Variants in ERP27 observed in about 807,000 individuals in gnomAD.
ERP27 encodes the protein endoplasmic reticulum resident protein 27.
In ERP27, 23 loss-of-function variants were observed where a neutral mutation model predicts 27.7. The ratio of observed to expected loss-of-function variants is 0.83; its 90% CI spans 0.60 to 1.18. The LOEUF (loss-of-function observed/expected upper bound fraction) is 1.18, where lower values mean the gene tolerates loss of function less well. ERP27 is among the 50% of genes most tolerant of loss of function. The pLI is 0.00. For synonymous variants in ERP27, 159 were observed against 118.3 expected, an observed-to-expected ratio of 1.34 and a Z score of -2.23; for missense variants, 363 against 327.9, an observed-to-expected ratio of 1.11 and a Z score of -0.83.
At position 14,914,301 on chromosome 12, in the gene ERP27, GGA is replaced by G. The variant is rs1478096686; in HGVS notation, c.*432_*433del. On this transcript the variant is annotated 3_prime_UTR_variant, in exon 7 of 7. Coordinates refer to ENST00000266397, the MANE Select transcript of ERP27 (RefSeq NM_152321.4). ...ACCCTTAGGTAACCTTAAAAGAGCA[GGA>G]ACTATGTTGTGTGTAAGTCATGTGC... The G allele has an allele frequency of 6.3e-6, 1 of 157,914 alleles. No individual in the cohort carries two copies. The highest frequency in any genetic ancestry group is 1.4e-5 in the Non-Finnish European group (1 of 71,934). 9.8% of individuals were successfully genotyped at this position (157,914 alleles called of 1,614,324 possible). A position where few individuals can be genotyped will look rare whatever the true frequency, so the allele number is the denominator to read the frequency against.
In ERP27 at chr12:14,914,597, TG is replaced by T; in HGVS notation, c.*137del. ...GTGTGTGCGTGTGTGTGTGCACGCG[TG>T]CGTGCGTGTGTGCACGTGCGTGTGT... On this transcript the variant is annotated 3_prime_UTR_variant, in exon 7 of 7. Coordinates refer to ENST00000266397, the MANE Select transcript of ERP27 (RefSeq NM_152321.4). 1 of 631,888 alleles carries T rather than the reference TG, an allele frequency of 1.6e-6. No homozygotes were observed. The allele number at this position is 631,888 out of a possible 1,614,324, so 39.1% of individuals were successfully genotyped here. A position where few individuals can be genotyped will look rare whatever the true frequency, so the allele number is the denominator to read the frequency against.
intron 4 of ERP27, among the ~76,000 whole-genome samples, chr12:14,917,911 A>C (rs1863437900): frequency 6.6e-6 from 1 of 152,204 alleles, no homozygotes; most frequent in East Asian, 1.9e-4. Flanking sequence ...GAAACTCCTA[A>C]GATTTGGAGT....
chr12:14,920,159 G>A (rs1014513763), intron 4 of ERP27, among the ~76,000 whole-genome samples: 1 of 152,242 alleles, frequency 6.6e-6, no homozygotes, highest in African/African-American at 2.4e-5. Flanking sequence ...AGATAATTCT[G>A]TAGACTGTTA....
chr12:14,922,143 C>T (rs1201026223), intron 3 of ERP27, among the ~76,000 whole-genome samples: 4 of 152,104 alleles, frequency 2.6e-5, no homozygotes, highest in Non-Finnish European at 4.4e-5. Flanking sequence ...CCTCTGTATC[C>T]ACTGAGCATA....
intron 3 of ERP27, among the ~76,000 whole-genome samples, chr12:14,922,532 G>T (rs769750906): frequency 9.9e-5 from 15 of 151,790 alleles, no homozygotes; most frequent in Non-Finnish European, 1.6e-4. Context: ...GTCCTTTGTT[G>T]GTTCTATAAT....
chr12:14,924,453 A>T (rs528175573), intron 3 of ERP27, among the ~76,000 whole-genome samples: 1 of 152,218 alleles, frequency 6.6e-6, no homozygotes, highest in African/African-American at 2.4e-5. Context: ...AGGAATGTTC[A>T]TACTGTTTTC....
rs1863714075 is a variant in ERP27, at chr12:14,932,688, G to GA, written c.333+2167dup. ...AATACATCATTGTGATACCATTTTAGAAACTGTATATAAAGTAGTAAAAGG... is the reference window on the plus strand; with the variant it reads ...AATACATCATTGTGATACCATTTTAGAAAACTGTATATAAAGTAGTAAAAGG... On this transcript the variant is annotated intron_variant, in intron 3 of 6. Transcript: ENST00000266397. 2.0e-5 allele frequency among the ~76,000 whole-genome samples: 3 copies of GA among 152,216 alleles called. No individual in the cohort carries two copies. In the South Asian group the frequency reaches 6.2e-4, roughly 31 times the overall value.
Position 14,934,885 on chromosome 12 carries a change from T to C in ERP27, c.304A>G (p.Thr102Ala). Residue 102 changes from threonine to alanine, a missense_variant, in exon 3 of 7, where the codon ACT becomes GCT. Transcript: ENST00000266397. ...DSEVLTHYNI[T>A]GNTICLFRLV... Reference sequence around the variant, plus strand: ...CGAAAGAGGCAGATGGTGTTCCCAGTGATGTTGTAGTGTGTCAGAACCTCA... The same window carrying C: ...CGAAAGAGGCAGATGGTGTTCCCAGCGATGTTGTAGTGTGTCAGAACCTCA... 1.2e-6 allele frequency: 2 copies of C among 1,613,968 alleles called. No homozygotes were observed. The highest frequency in any genetic ancestry group is 1.7e-6 in the Non-Finnish European group (2 of 1,179,924).
intron 5 of ERP27, 158 bp from the exon 6 acceptor site, chr12:14,915,844 A>G (rs1863402662): frequency 1.4e-6 from 1 of 691,784 alleles, no homozygotes; most frequent in Non-Finnish European, 2.4e-6. Flanking sequence ...AGCTGTAACA[A>G]AGAACAAAAT....
intron 4 of ERP27, among the ~76,000 whole-genome samples, chr12:14,919,525 C>A (rs1413567167): frequency 6.6e-6 from 1 of 151,998 alleles, no homozygotes; most frequent in Non-Finnish European, 1.5e-5. Context: ...GTGTTTGGAG[C>A]CTTAGCAGAA....
rs565947355 is a variant in ERP27, at chr12:14,938,461, C to T, written c.48G>A (p.Thr16=). Residue 16 remains threonine (T), a synonymous_variant, in exon 1 of 7, where the codon ACG becomes ACA. Transcript: ENST00000266397. ...CAGCAACTTCTGCAGCCAGCTCACA[C>T]GTGAGGAGAAATAAGAGGAACATGA... ...SRFMFLLFLL[T]CELAAEVAAE... The T allele has an allele frequency of 1.2e-5, 20 of 1,614,136 alleles. No individual in the cohort carries two copies. In the Admixed American group the frequency reaches 1.3e-4, roughly 11 times the overall value.
At position 14,914,498 on chromosome 12, in the gene ERP27, G is replaced by A; in HGVS notation, c.*237C>T. 1.9e-6 allele frequency: 1 copy of A among 514,420 alleles called. No homozygotes were observed. Among genetic ancestry groups the A allele is most frequent in the South Asian group, 3.0e-5 (1 of 33,226 alleles). The allele number at this position is 514,420 out of a possible 1,614,324, so 31.9% of individuals were successfully genotyped here. ...AGAAGGAAATTGGATAGGGAGTGAG[G>A]ATATGAAATTTAAAAGAAGGAAGAA... On this transcript the variant is annotated 3_prime_UTR_variant, in exon 7 of 7. Coordinates refer to ENST00000266397, the MANE Select transcript of ERP27 (RefSeq NM_152321.4).
intron 5 of ERP27, among the ~76,000 whole-genome samples, chr12:14,916,268 A>T (rs1338089869): frequency 1.3e-5 from 2 of 152,222 alleles, no homozygotes; most frequent in African/African-American, 4.8e-5. Context: ...ATTGGAAATT[A>T]CTTTAGTGAT....
At position 14,934,875 on chromosome 12, in the gene ERP27, G is replaced by C. The variant is rs1402676306; in HGVS notation, c.314C>G (p.Thr105Ser). Residue 105 changes from threonine to serine, a missense_variant, in exon 3 of 7, where the codon ACC becomes AGC. Transcript: ENST00000266397. ...ACTTACCAGGCGAAAGAGGCAGATG[G>C]TGTTCCCAGTGATGTTGTAGTGTGT... Reference protein sequence around the residue: ...VLTHYNITGNTICLFRLVDNE... With the variant: ...VLTHYNITGNSICLFRLVDNE... 1 of 1,614,028 alleles carries C rather than the reference G, an allele frequency of 6.2e-7. No individual in the cohort carries two copies. Among genetic ancestry groups the C allele is most frequent in the Admixed American group, 1.7e-5 (1 of 60,020 alleles).
intron 3 of ERP27, among the ~76,000 whole-genome samples, chr12:14,924,340 A>G (rs1863564025): frequency 6.6e-6 from 1 of 152,166 alleles, no homozygotes; most frequent in African/African-American, 2.4e-5. Context: ...TGAACATGGG[A>G]GTGCAGATAT....
chr12:14,937,261 C>A (rs574378225), intron 2 of ERP27, among the ~76,000 whole-genome samples: 2 of 152,252 alleles, frequency 1.3e-5, no homozygotes, highest in East Asian at 1.9e-4. Context: ...TGGAAACAGA[C>A]AAGAAGGTCT....
intron 4 of ERP27, among the ~76,000 whole-genome samples, chr12:14,918,550 A>G (rs1206704509): frequency 1.3e-5 from 2 of 150,896 alleles, no homozygotes; most frequent in African/African-American, 2.4e-5. Context: ...CTTCAAACCA[A>G]TCTCATCTCT....
chr12:14,934,765 AAGACATAG>A (rs1457417638), intron 3 of ERP27, 83 bp downstream of exon 3: 15 of 1,500,374 alleles, frequency 1.0e-5, no homozygotes, highest in Non-Finnish European at 1.3e-5. Flanking sequence ...ATTAGTGTAA[AAGACATAG>A]AGTCCTTTCC....
chr12:14,915,660 AC>A lies in ERP27; in HGVS notation c.602del (p.Gly201ValfsTer2). On this transcript the variant is annotated frameshift_variant, in exon 6 of 7. Coordinates refer to ENST00000266397, the MANE Select transcript of ERP27 (RefSeq NM_152321.4). LOFTEE classifies it high-confidence loss of function. ...GKILFILVDS[G>X]MKENGKVISF... ...ATATCACCTTCCCATTTTCTTTCAT[AC>A]CACTGTCCACCAGAATAAAGAGAAT... 1 of 1,614,022 alleles carries A rather than the reference AC, an allele frequency of 6.2e-7. No homozygotes were observed.
Sources: gnomAD v4.1 joint callset for allele counts (sites outside exome capture counted in the v4.1 genomes callset) on GRCh38, gnomAD v4.1.1 for gene constraint, MANE v1.5 for transcripts, NCBI Gene and HGNC (gene_info 2026-07-23, HGNC 2026-07-21) for gene names.